Variants in MIA2 observed in about 807,000 individuals in gnomAD.
MIA2 encodes the protein melanoma inhibitory activity protein 2.
MIA2 carries 127 observed loss-of-function variants against 167.8 expected under a neutral mutation model. The ratio of observed to expected loss-of-function variants is 0.76; its 90% CI spans 0.66 to 0.88. The LOEUF (loss-of-function observed/expected upper bound fraction) is 0.88. Ranked by LOEUF, MIA2 falls within the 40% of genes least tolerant of loss-of-function variation. MIA2 has a pLI of 0.00. For synonymous variants in MIA2, 552 were observed against 541.9 expected (o/e 1.02, Z -0.26); for missense variants, 1,690 against 1,624.7 (o/e 1.04, Z -0.69).
At chr14:39,300,957 C>CAT (rs1566818252) in intron 14 of MIA2, among the ~76,000 whole-genome samples, 7 of 141,706 alleles carry the variant, frequency 4.9e-5, no homozygotes, top group East Asian at 2.0e-4. Context: ...TATACACATA[C>CAT]ATATACACAT....
chr14:39,255,319 C>G (rs1347087337), intron 6 of MIA2, among the ~76,000 whole-genome samples: 1 of 152,108 alleles, frequency 6.6e-6, no homozygotes, highest in East Asian at 1.9e-4. Flanking sequence ...GCCAACCTGG[C>G]CAACATGGTG....
At chr14:39,383,941 A>G (rs959467930) in intron 23 of MIA2, among the ~76,000 whole-genome samples, 6 of 152,206 alleles carry the variant, frequency 3.9e-5, no homozygotes, top group Admixed American at 3.9e-4. Context: ...TAAAAATGCA[A>G]GATGAATCAG....
chr14:39,246,504 G>A (rs2054317925), intron 3 of MIA2, among the ~76,000 whole-genome samples: 2 of 152,096 alleles, frequency 1.3e-5, no homozygotes, highest in Admixed American at 6.5e-5. Flanking sequence ...GAATGCTTGA[G>A]GCCAGAAGTT....
intron 23 of MIA2, among the ~76,000 whole-genome samples, chr14:39,369,589 C>T (rs1484392192): frequency 6.6e-6 from 1 of 152,166 alleles, no homozygotes; most frequent in East Asian, 1.9e-4. Flanking sequence ...TCTGCTCCTC[C>T]TCTCCTCCAA....
chr14:39,338,119 G>A (rs2070869156), intron 25 of MIA2, among the ~76,000 whole-genome samples: 1 of 152,170 alleles, frequency 6.6e-6, no homozygotes, highest in African/African-American at 2.4e-5. Flanking sequence ...GGGTATGACT[G>A]TAAAGGGGTG....
chr14:39,262,315 C>T (rs949236030), intron 6 of MIA2, among the ~76,000 whole-genome samples: 9 of 152,134 alleles, frequency 5.9e-5, no homozygotes, highest in African/African-American at 1.9e-4. Context: ...TGTCAAAGAT[C>T]GGATGGTTGT....
chr14:39,256,913 A>G lies in MIA2; in HGVS notation c.1887+3742A>G, dbSNP rs139787666. Among the ~76,000 whole-genome samples the G allele has an allele frequency of 3.3e-3, 507 of 152,248 alleles. 2 individuals carry two copies. The highest frequency in any genetic ancestry group is 0.011 in the African/African-American group (468 of 41,576). On this transcript the variant is annotated intron_variant, in intron 6 of 28. Transcript: ENST00000640607. ...CTTATCTGAGCTTTAACGGTAATCAAGTTGGTTTTGAGTGAGATTCTTAAT... is the reference window on the plus strand; with the variant it reads ...CTTATCTGAGCTTTAACGGTAATCAGGTTGGTTTTGAGTGAGATTCTTAAT...
At chr14:39,267,321 C>A in intron 6 of MIA2, 3 of 1,507,138 alleles carry the variant, frequency 2.0e-6, no homozygotes, top group Non-Finnish European at 1.8e-6. Flanking sequence ...GCTCCCCCCG[C>A]AGCCGGCTCC....
chr14:39,247,494 C>T lies in MIA2; in HGVS notation c.920C>T (p.Thr307Ile). 1.9e-6 allele frequency: 3 copies of T among 1,613,930 alleles called. No homozygotes were observed. The highest frequency in any genetic ancestry group is 2.5e-6 in the Non-Finnish European group (3 of 1,179,948). ...GAGCACATTCCCAAACCTCAATCCA[C>T]TGGTTGGTTTGGTGGAGGATTTACA... The part of the protein sequence containing the change: ...ESEHIPKPQS[T>I]GWFGGGFTSY... The change falls in exon 4 of 29, where the codon ACT becomes ATT. Residue 307 changes from threonine to isoleucine, a missense_variant. Transcript: ENST00000640607.
rs1024458635 is a variant in MIA2 at position 39,365,433 on chromosome 14, C to T, written c.2248+16456C>T. ...TACCCAGAATTCAAATATTTGGTTA[C>T]ACTATGGTGCTCTGTACATCACATA... On this transcript the variant is annotated intron_variant, in intron 23 of 23. Transcript: ENST00000341502. 2.6e-5 allele frequency among the ~76,000 whole-genome samples: 4 copies of T among 152,276 alleles called. No homozygotes were observed. In the East Asian group the frequency reaches 7.7e-4, roughly 29 times the overall value.
chr14:39,370,645 G>A lies in MIA2; in HGVS notation c.2249-16240G>A, dbSNP rs1046388238. Reference sequence around the variant, plus strand: ...CTTCACCAGCGCCTCTCTGCTGCCCGAGTCTGTCGCACGTGCTGCATGCCC... The same window carrying A: ...CTTCACCAGCGCCTCTCTGCTGCCCAAGTCTGTCGCACGTGCTGCATGCCC... On this transcript the variant is annotated intron_variant, in intron 23 of 23. Coordinates refer to the MIA2 transcript ENST00000341502. 4.1e-4 allele frequency: 126 copies of A among 310,288 alleles called. 1 individual carries two copies. In the Admixed American group the frequency reaches 4.2e-3, roughly 10 times the overall value. 19.2% of individuals were successfully genotyped at this position (310,288 alleles called of 1,614,324 possible).
chr14:39,288,567 C>G (rs547349172), intron 9 of MIA2, among the ~76,000 whole-genome samples: 1 of 148,168 alleles, frequency 6.7e-6, no homozygotes, highest in Non-Finnish European at 1.5e-5. Context: ...CTCCGCCTCC[C>G]GGGTTCAAGC....
intron 25 of MIA2, among the ~76,000 whole-genome samples, chr14:39,331,050 A>G (rs1160410960): frequency 6.6e-6 from 1 of 152,198 alleles, no homozygotes; most frequent in African/African-American, 2.4e-5. Context: ...TAATATTGAC[A>G]GTGGGGTGTC....
intron 13 of MIA2, among the ~76,000 whole-genome samples, chr14:39,296,348 ACT>A (rs1203273074): frequency 1.3e-5 from 2 of 151,902 alleles, no homozygotes; most frequent in Non-Finnish European, 2.9e-5. Flanking sequence ...AAATTTTGAC[ACT>A]GTCACTCCAT....
chr14:39,252,723 C>T, intron 4 of MIA2, 25 bp from the exon 5 acceptor site: 2 of 1,558,504 alleles, frequency 1.3e-6, no homozygotes, highest in Non-Finnish European at 1.7e-6. Context: ...TTTGGAAAAA[C>T]ACATTTCTTT....
intron 6 of MIA2, among the ~76,000 whole-genome samples, chr14:39,264,669 C>A (rs986236048): frequency 2.0e-5 from 3 of 152,180 alleles, no homozygotes; most frequent in Non-Finnish European, 4.4e-5. Context: ...ACTCTTACAT[C>A]ACTAGTACAG....
intron 3 of MIA2, among the ~76,000 whole-genome samples, chr14:39,245,194 G>A (rs991432726): frequency 2.0e-5 from 3 of 150,834 alleles, no homozygotes; most frequent in Admixed American, 1.3e-4. Flanking sequence ...TCCTGCCTTG[G>A]CCTCCCAAAG....
At chr14:39,358,988 A>C (rs528315634) in intron 23 of MIA2, among the ~76,000 whole-genome samples, 14 of 152,182 alleles carry the variant, frequency 9.2e-5, no homozygotes, top group Middle Eastern at 3.4e-3. Context: ...CAGTTAGGCT[A>C]CTCGGGGGTC....
intron 6 of MIA2, chr14:39,266,718 C>T: frequency 2.0e-6 from 2 of 985,446 alleles, no homozygotes; most frequent in Non-Finnish European, 1.2e-6. Flanking sequence ...CTCGGGGCTG[C>T]CGGGGTCTCC....
Sources: allele counts gnomAD v4.1 joint callset (sites outside exome capture counted in the v4.1 genomes callset), GRCh38; gene constraint gnomAD v4.1.1; transcripts MANE v1.5; gene names NCBI Gene and HGNC (gene_info 2026-07-23, HGNC 2026-07-21).